The following RBM33 variants were observed in gnomAD, a reference collection of about 807,000 sequenced individuals.
The protein encoded by RBM33 is RNA binding motif protein 33.
A neutral mutation model predicts 132.6 loss-of-function variants in RBM33; 28 were observed. The observed-to-expected ratio is 0.21, with a 90% CI of 0.16 to 0.29. The LOEUF (loss-of-function observed/expected upper bound fraction) is 0.29. Ranked by LOEUF, RBM33 falls within the 10% of genes least tolerant of loss-of-function variation. The probability of loss-of-function intolerance (pLI) is 1.00; values close to 1 mark genes in which losing one functional copy is unlikely to be tolerated. For synonymous variants in RBM33, 634 were observed against 593.0 expected (o/e 1.07, Z -1.01); for missense variants, 1,291 against 1,518.5 (o/e 0.85, Z 2.49).
chr7:155,721,342 A>G (rs1800619545), intron 9 of RBM33, among the ~76,000 whole-genome samples: 1 of 152,166 alleles, frequency 6.6e-6, no homozygotes, highest in South Asian at 2.1e-4. Flanking sequence ...CAGAAACTTA[A>G]TATAGAGTGA....
chr7:155,645,410 T>G (rs1798157234), intron 1 of RBM33, among the ~76,000 whole-genome samples: 1 of 152,234 alleles, frequency 6.6e-6, no homozygotes, highest in Non-Finnish European at 1.5e-5. Context: ...TGTGCGACAG[T>G]AGGCCAGTTT....
In RBM33 at chr7:155,739,711, G is replaced by T. The variant is rs117718054; in HGVS notation, c.1738-4G>T. 6.5e-7 allele frequency: 1 copy of T among 1,542,700 alleles called. No individual in the cohort carries two copies. Among genetic ancestry groups the T allele is most frequent in the Admixed American group, 2.0e-5 (1 of 50,292 alleles). ...TGTTGTTTCTCTTTCTTTGGAAATGGAAGGGGCCGTTGCATCCTCCATTGC... is the reference window on the plus strand; with the variant it reads ...TGTTGTTTCTCTTTCTTTGGAAATGTAAGGGGCCGTTGCATCCTCCATTGC... On this transcript the variant is annotated splice_region_variant and splice_polypyrimidine_tract_variant and intron_variant, in intron 11 of 17. Transcript: ENST00000401878.
chr7:155,680,719 A>C lies in RBM33; in HGVS notation c.378A>C (p.Glu126Asp), dbSNP rs1463722493. The C allele has an allele frequency of 6.2e-7, 1 of 1,613,218 alleles. No homozygotes were observed. Among genetic ancestry groups the C allele is most frequent in the Non-Finnish European group, 8.5e-7 (1 of 1,179,614 alleles). ...ATGAACAAGAACAAGGAGAGGATGAACTGGTTTATCACAAATCTGATGGAT... is the reference window on the plus strand; with the variant it reads ...ATGAACAAGAACAAGGAGAGGATGACCTGGTTTATCACAAATCTGATGGAT... ...SEYEQEQGED[E>D]LVYHKSDGSE... The change falls in exon 5 of 18, where the codon GAA becomes GAC. Residue 126 changes from glutamate to aspartate, a missense_variant. Glu to Asp is a conservative substitution (Grantham distance 45). Coordinates refer to ENST00000401878, the MANE Select transcript of RBM33 (RefSeq NM_053043.3).
chr7:155,700,623 T>C, intron 5 of RBM33, 150 bp from the exon 6 acceptor site: 1 of 429,664 alleles, frequency 2.3e-6, no homozygotes, highest in Non-Finnish European at 4.2e-6. Flanking sequence ...GGAGTCAGCT[T>C]AGGGTTTCAT....
At chr7:155,661,146 A>ATATTTTTTTTT (rs1421586760) in intron 1 of RBM33, among the ~76,000 whole-genome samples, 10 of 81,192 alleles carry the variant, frequency 1.2e-4, no homozygotes, top group Non-Finnish European at 1.8e-4. Flanking sequence ...ATATATATAT[A>ATATTTTTTTTT]TTTTTTTTTT....
chr7:155,737,905 T>G (rs1370857285), intron 10 of RBM33, among the ~76,000 whole-genome samples, 155 bp from the exon 11 acceptor site: 1 of 152,176 alleles, frequency 6.6e-6, no homozygotes, highest in Non-Finnish European at 1.5e-5. Context: ...TGAAGCAATC[T>G]AGAAATAAGA....
At chr7:155,649,904 G>A (rs547434349) in intron 1 of RBM33, among the ~76,000 whole-genome samples, 2 of 152,304 alleles carry the variant, frequency 1.3e-5, no homozygotes, top group Admixed American at 6.5e-5. Context: ...CATATGCGTA[G>A]CTCAAAGATC....
chr7:155,677,262 C>G (rs1250790244), intron 3 of RBM33, among the ~76,000 whole-genome samples: 1 of 150,190 alleles, frequency 6.7e-6, no homozygotes, highest in Non-Finnish European at 1.5e-5. Flanking sequence ...TCTTGTTTCC[C>G]AGGCTGGAGT....
rs1208907824 is a variant in RBM33, at chr7:155,672,850, C to CT, written c.123-9dup. ...TATGGGAATAATCATTGACATGTCT[C>CT]TTTTTTTTCTCCCAAGTGAACTTGA... On this transcript the variant is annotated splice_polypyrimidine_tract_variant and intron_variant, in intron 2 of 17. Transcript: ENST00000401878. The CT allele has an allele frequency of 3.6e-5, 55 of 1,528,658 alleles. No individual in the cohort carries two copies. The highest frequency in any genetic ancestry group is 7.3e-5 in the South Asian group (6 of 82,524). The allele number at this position is 1,528,658 out of a possible 1,614,324, so 94.7% of individuals were successfully genotyped here. A position where few individuals can be genotyped will look rare whatever the true frequency, so the allele number is the denominator to read the frequency against.
At chr7:155,720,775 A>T (rs937810672) in intron 9 of RBM33, among the ~76,000 whole-genome samples, 4 of 152,222 alleles carry the variant, frequency 2.6e-5, no homozygotes, top group Admixed American at 2.0e-4. Context: ...GAGGTGCTGC[A>T]GGCTCTGTCT....
chr7:155,738,010 A>G, intron 10 of RBM33, 50 bp from the exon 11 acceptor site: 1 of 1,491,786 alleles, frequency 6.7e-7, no homozygotes, highest in Non-Finnish European at 9.2e-7. Context: ...TTTTCTGAGA[A>G]GCACATGGTC....
chr7:155,675,255 C>CT (rs2014561215), intron 3 of RBM33, among the ~76,000 whole-genome samples: 1 of 140,684 alleles, frequency 7.1e-6, no homozygotes, highest in South Asian at 2.1e-4. Flanking sequence ...GATCACGCCA[C>CT]TGTACTCTAG....
chr7:155,712,787 T>C (rs533460008), intron 8 of RBM33, among the ~76,000 whole-genome samples: 1 of 152,324 alleles, frequency 6.6e-6, no homozygotes, highest in East Asian at 1.9e-4. Flanking sequence ...ATGCAGAACC[T>C]GGGTACCGTG....
At chr7:155,675,414 G>A (rs980464271) in intron 3 of RBM33, among the ~76,000 whole-genome samples, 3 of 151,608 alleles carry the variant, frequency 2.0e-5, no homozygotes, top group African/African-American at 4.9e-5. Flanking sequence ...TTTTATAATG[G>A]CAACATAACA....
At chr7:155,763,656 T>C (rs1002179896) in intron 14 of RBM33, among the ~76,000 whole-genome samples, 156 bp from the exon 15 acceptor site, 10 of 152,240 alleles carry the variant, frequency 6.6e-5, no homozygotes, top group Admixed American at 5.2e-4. Context: ...GAAATGTCCT[T>C]ACTGGCTCTA....
chr7:155,724,675 C>T (rs1800728685), intron 9 of RBM33, among the ~76,000 whole-genome samples: 1 of 152,184 alleles, frequency 6.6e-6, no homozygotes. Context: ...TCCAGGGACT[C>T]TCCTGCCCCT....
intron 16 of RBM33, among the ~76,000 whole-genome samples, chr7:155,768,211 A>G (rs1043686963): frequency 6.6e-6 from 1 of 152,230 alleles, no homozygotes; most frequent in African/African-American, 2.4e-5. Context: ...CGAGTTGTCA[A>G]GATCCATACC....
intron 9 of RBM33, among the ~76,000 whole-genome samples, chr7:155,732,453 G>A (rs779042818): frequency 6.6e-6 from 1 of 152,108 alleles, no homozygotes; most frequent in African/African-American, 2.4e-5. Flanking sequence ...CATTAGCATA[G>A]TAGTGACTGA....
Position 155,673,940 on chromosome 7 carries a change from G to GTTGTTGTTTGTTTTTGTTT in RBM33, c.171+1027_171+1028insGTTGTTTGTTTTTGTTTTT. ...TCATTATCAAGATAGTTTAGGCTTA[G>GTTGTTGTTTGTTTTTGTTT]TTTTTTTTTTTTTTTTTTTTTTTTT... On this transcript the variant is annotated intron_variant, in intron 3 of 17. Transcript: ENST00000401878. 5.9e-4 allele frequency among the ~76,000 whole-genome samples: 32 copies of GTTGTTGTTTGTTTTTGTTT among 54,216 alleles called. 2 individuals carry two copies. Among genetic ancestry groups the GTTGTTGTTTGTTTTTGTTT allele is most frequent in the Middle Eastern group, 0.02 (2 of 102 alleles). The allele number at this position is 54,216 out of a possible 152,430, so 35.6% of individuals were successfully genotyped here. A position where few individuals can be genotyped will look rare whatever the true frequency, so the allele number is the denominator to read the frequency against.
Sources: allele counts gnomAD v4.1 joint callset (sites outside exome capture counted in the v4.1 genomes callset), GRCh38; gene constraint gnomAD v4.1.1; transcripts MANE v1.5; gene names NCBI Gene and HGNC (gene_info 2026-07-23, HGNC 2026-07-21).